EVI5: variants seen among roughly 807,000 people sequenced by gnomAD.
EVI5 encodes the protein ecotropic viral integration site 5.
Under a neutral mutation model 112.0 loss-of-function variants are expected in EVI5, and 73 were observed. The observed-to-expected ratio is 0.65, with a 90% CI of 0.54 to 0.79. The LOEUF (loss-of-function observed/expected upper bound fraction) is 0.79. EVI5 is among the 30% of genes least tolerant of loss of function. EVI5 has a pLI of 0.00. For missense variants in EVI5, 900 were observed against 968.8 expected (o/e 0.93, Z 0.94); for synonymous variants, 305 against 319.9 (o/e 0.95, Z 0.50).
chr1:92,514,238 C>T (rs1278962078), intron 19 of EVI5, among the ~76,000 whole-genome samples: 3 of 152,146 alleles, frequency 2.0e-5, no homozygotes, highest in Non-Finnish European at 4.4e-5. Flanking sequence ...ACTGCAACCT[C>T]CGCCTCCCAG....
intron 14 of EVI5, among the ~76,000 whole-genome samples, chr1:92,632,594 G>GTCTA (rs1362457163): frequency 1.3e-5 from 2 of 151,728 alleles, no homozygotes; most frequent in African/African-American, 4.8e-5. Flanking sequence ...CTTGCTAGCG[G>GTCTA]TCTATTTTGT....
In EVI5 at chr1:92,607,659, C is replaced by G; in HGVS notation, c.1896G>C (p.Gln632His). 2 of 1,606,414 alleles carry G rather than the reference C, an allele frequency of 1.2e-6. No individual in the cohort carries two copies. The highest frequency in any genetic ancestry group is 1.7e-6 in the Non-Finnish European group (2 of 1,175,820). ...GTCCTTTGTTCTGTGCAGAAAGATA[C>G]TGCACTTTCTCCTGTAGGCTAATCA... Reference protein sequence around the residue: ...QEVISLQEKVQYLSAQNKGLL... With the variant: ...QEVISLQEKVHYLSAQNKGLL... The change falls in exon 17 of 20, where the codon CAG (glutamine) becomes CAC (histidine). Residue 632 changes from glutamine to histidine, a missense_variant. Transcript: ENST00000684568.
chr1:92,599,505 C>T (rs1295864379), intron 18 of EVI5, among the ~76,000 whole-genome samples: 3 of 151,878 alleles, frequency 2.0e-5, no homozygotes, highest in Non-Finnish European at 2.9e-5. Flanking sequence ...GAATCTTAAT[C>T]TGTATTAAAA....
chr1:92,718,230 C>A (rs973608616), intron 2 of EVI5, among the ~76,000 whole-genome samples: 1 of 152,188 alleles, frequency 6.6e-6, no homozygotes, highest in East Asian at 1.9e-4. Flanking sequence ...TGCAAATCAA[C>A]AGAATATACA....
intron 19 of EVI5, among the ~76,000 whole-genome samples, chr1:92,526,397 T>A (rs147122298): frequency 2.4e-4 from 37 of 152,284 alleles, no homozygotes; most frequent in Non-Finnish European, 4.7e-4. Flanking sequence ...TCACATGGTG[T>A]CACATCTGAA....
chr1:92,595,432 G>A (rs9661812), intron 18 of EVI5, among the ~76,000 whole-genome samples: 139,885 of 151,862 alleles, frequency 0.92, 64,518 homozygotes, highest in East Asian at 0.97. Context: ...GGGGGAGGTT[G>A]GAGGGATAGC....
At chr1:92,667,233 A>C (rs188746128) in intron 10 of EVI5, among the ~76,000 whole-genome samples, 6 of 152,306 alleles carry the variant, frequency 3.9e-5, no homozygotes, top group African/African-American at 1.4e-4. Flanking sequence ...GCAGTGAGCC[A>C]GTATCACATC....
At chr1:92,774,807 T>C (rs1683888777) in intron 1 of EVI5, among the ~76,000 whole-genome samples, 1 of 152,140 alleles carries the variant, frequency 6.6e-6, no homozygotes, top group Non-Finnish European at 1.5e-5. Flanking sequence ...CTTAAAAGGA[T>C]AAACTGCAAA....
intron 2 of EVI5, chr1:92,732,317 C>G (rs1558164521): frequency 2.5e-6 from 1 of 395,988 alleles, no homozygotes; most frequent in Non-Finnish European, 5.0e-6. Flanking sequence ...AATCCCAAAG[C>G]CTTACATGAC....
rs200151389 is a variant in EVI5, at chr1:92,723,925, C to T, written c.149+12473G>A. On this transcript the variant is annotated intron_variant, in intron 2 of 19. Coordinates refer to ENST00000684568, the MANE Select transcript of EVI5 (RefSeq NM_001350197.2). ...CGCGGTTGAGATAAGGACTGAAATA[C>T]GCCCTGGTCTCCTGCAGTACCCTCA... 5.1e-4 allele frequency among the ~76,000 whole-genome samples: 78 copies of T among 152,110 alleles called. 1 individual carries two copies. The highest frequency in any genetic ancestry group is 4.7e-3 in the Admixed American group (72 of 15,256).
At chr1:92,746,464 G>A (rs913876660) in intron 1 of EVI5, among the ~76,000 whole-genome samples, 4 of 152,156 alleles carry the variant, frequency 2.6e-5, no homozygotes, top group African/African-American at 9.7e-5. Flanking sequence ...AGTGGCTCAC[G>A]CCTGAAATCC....
intron 2 of EVI5, among the ~76,000 whole-genome samples, chr1:92,730,967 A>C (rs1676372481): frequency 6.6e-6 from 1 of 152,296 alleles, no homozygotes; most frequent in Middle Eastern, 3.4e-3. Context: ...AAAAACCAAA[A>C]AAAACTACCA....
intron 1 of EVI5, among the ~76,000 whole-genome samples, chr1:92,741,652 T>G (rs1327841141): frequency 1.3e-5 from 2 of 152,192 alleles, no homozygotes; most frequent in Admixed American, 6.5e-5. Context: ...AGTTAGCTTG[T>G]TTTATAATAT....
intron 9 of EVI5, among the ~76,000 whole-genome samples, chr1:92,688,666 AAGACTAT>A (rs1668977365): frequency 6.6e-6 from 1 of 152,222 alleles, no homozygotes; most frequent in East Asian, 1.9e-4. Flanking sequence ...AATTGTAGGA[AAGACTAT>A]AGATAGAAAT....
chr1:92,528,227 C>T (rs1662257536), intron 19 of EVI5, among the ~76,000 whole-genome samples: 1 of 152,196 alleles, frequency 6.6e-6, no homozygotes, highest in African/African-American at 2.4e-5. Flanking sequence ...GGAAGTCTTG[C>T]ACATTGCTGG....
At position 92,695,428 on chromosome 1, in the gene EVI5, T is replaced by G; in HGVS notation, c.791A>C (p.His264Pro). Residue 264 changes from histidine (H) to proline (P), a missense_variant, in exon 7 of 20, where the codon CAT becomes CCT. Coordinates refer to ENST00000684568, the MANE Select transcript of EVI5 (RefSeq NM_001350197.2). ...GGTATGAAAACTCTGAGATTGAAAA[T>G]GTACAAAGAGCTCTGGAAGATGCTC... is the stretch of plus-strand genomic sequence containing the variant. Reference protein sequence around the residue: ...IQEHLPELFVHFQSQSFHTSM... With the variant: ...IQEHLPELFVPFQSQSFHTSM... 1 of 1,606,526 alleles carries G rather than the reference T, an allele frequency of 6.2e-7. No individual in the cohort carries two copies. The highest frequency in any genetic ancestry group is 8.5e-7 in the Non-Finnish European group (1 of 1,174,358).
intron 9 of EVI5, 76 bp downstream of exon 9, chr1:92,693,726 C>A: frequency 1.3e-6 from 1 of 779,330 alleles, no homozygotes. Context: ...AGTTCTATAA[C>A]CTAAGGAGGA....
At chr1:92,604,228 T>C (rs559088711) in intron 18 of EVI5, among the ~76,000 whole-genome samples, 3 of 151,952 alleles carry the variant, frequency 2.0e-5, no homozygotes, top group Non-Finnish European at 2.9e-5. Flanking sequence ...GGTGTGGTCA[T>C]GTGTGCCTGT....
intron 1 of EVI5, among the ~76,000 whole-genome samples, chr1:92,741,996 T>C (rs575053017): frequency 6.6e-4 from 100 of 152,306 alleles, no homozygotes; most frequent in South Asian, 1.7e-3. Context: ...TTAAAAACTT[T>C]TGTGTATCAA....
Sources: gnomAD v4.1 joint callset for allele counts (sites outside exome capture counted in the v4.1 genomes callset) on GRCh38, gnomAD v4.1.1 for gene constraint, MANE v1.5 for transcripts, NCBI Gene and HGNC (gene_info 2026-07-23, HGNC 2026-07-21) for gene names.